Variants in FAM90A20 observed in about 807,000 individuals in gnomAD.
The protein encoded by FAM90A20 is family with sequence similarity 90 member A20.
At chr8:7,297,565 C>G in the FAM90A20 span, 1 of 1,513,852 alleles carries the variant, frequency 6.6e-7, no homozygotes, top group Non-Finnish European at 8.9e-7. Context: ...GACTGGGTCC[C>G]TTCCAGATCC....
the FAM90A20 span, among the ~76,000 whole-genome samples, chr8:7,295,474 T>A: frequency 8.8e-6 from 1 of 114,016 alleles, no homozygotes; most frequent in Admixed American, 8.0e-5. Flanking sequence ...GGGAACATCG[T>A]ATCCGAACTC....
chr8:7,296,624 C>G, the FAM90A20 span, among the ~76,000 whole-genome samples: 4 of 135,400 alleles, frequency 3.0e-5, 2 homozygotes, highest in Admixed American at 1.4e-4. Context: ...AGCCTGCCAA[C>G]AACACGTTCC....
the FAM90A20 span, chr8:7,296,434 C>A: frequency 5.6e-6 from 4 of 718,902 alleles, 1 homozygote; most frequent in South Asian, 5.5e-5. Context: ...CTTTTATCCT[C>A]TAGGTAACCC....
chr8:7,297,205 C>T, the FAM90A20 span: 17 of 1,532,272 alleles, frequency 1.1e-5, 2 homozygotes, highest in Non-Finnish European at 1.4e-5. Context: ...CCAGTCTGAG[C>T]TCCTCCTCAA....
At chr8:7,298,001 G>T in the FAM90A20 span, 1 of 683,214 alleles carries the variant, frequency 1.5e-6, no homozygotes, top group East Asian at 2.7e-5. Context: ...CTCCTCAGAG[G>T]ACAGCGATTC....
the FAM90A20 span, chr8:7,297,428 T>C: frequency 8.4e-6 from 13 of 1,555,302 alleles, 2 homozygotes; most frequent in Non-Finnish European, 1.1e-5. Flanking sequence ...TGCGGTGACC[T>C]CACAGCCCTG....
chr8:7,295,574 G>A, the FAM90A20 span: 2 of 671,126 alleles, frequency 3.0e-6, no homozygotes, highest in Admixed American at 2.0e-5. Context: ...TGTTAACGTG[G>A]GATCGCTGCC....
chr8:7,297,034 C>A, the FAM90A20 span: 2 of 1,465,344 alleles, frequency 1.4e-6, no homozygotes, highest in Non-Finnish European at 1.8e-6. Context: ...TGAGGAACTT[C>A]TAACCTGTGT....
chr8:7,296,055 C>G, the FAM90A20 span, among the ~76,000 whole-genome samples: 3 of 130,222 alleles, frequency 2.3e-5, 1 homozygote, highest in East Asian at 4.2e-4. Context: ...TGCAGGTTCC[C>G]CACGACAGGG....
chr8:7,295,775 G>C, the FAM90A20 span: 10 of 1,290,566 alleles, frequency 7.7e-6, 2 homozygotes, highest in South Asian at 3.6e-5. Context: ...GCCTGGGGTT[G>C]AAGCCAACCC....
At chr8:7,296,197 A>C in the FAM90A20 span, 1 of 654,034 alleles carries the variant, frequency 1.5e-6, no homozygotes. Flanking sequence ...TCTGTATCAC[A>C]AGACACGGAA....
At chr8:7,296,656 C>T in the FAM90A20 span, among the ~76,000 whole-genome samples, 2 of 135,138 alleles carry the variant, frequency 1.5e-5, no homozygotes, top group African/African-American at 3.6e-5. Context: ...GGAAATTAGT[C>T]CCTCAGAGGC....
chr8:7,297,596 G>T, the FAM90A20 span: 13 of 1,477,976 alleles, frequency 8.8e-6, 2 homozygotes, highest in Middle Eastern at 7.0e-4. Context: ...CATCCAGGGA[G>T]GTGAGCTGGG....
At chr8:7,295,919 G>T in the FAM90A20 span, 79 of 581,292 alleles carry the variant, frequency 1.4e-4, 4 homozygotes, top group Middle Eastern at 4.8e-4. Flanking sequence ...GTGCCTTTCC[G>T]TCTCCGGGCC....
the FAM90A20 span, chr8:7,297,484 C>A: frequency 6.5e-7 from 1 of 1,538,080 alleles, no homozygotes; most frequent in Admixed American, 1.7e-5. Context: ...CCAATCTCAG[C>A]TTTGGGTCAG....
chr8:7,296,916 G>C, the FAM90A20 span: 1 of 677,908 alleles, frequency 1.5e-6, no homozygotes, highest in Non-Finnish European at 2.5e-6. Context: ...CACTCAGGTG[G>C]AGGGTCTGTC....
chr8:7,297,822 G>T, the FAM90A20 span: 4 of 1,121,406 alleles, frequency 3.6e-6, no homozygotes, highest in African/African-American at 2.4e-5. Flanking sequence ...CTCTTCCGGA[G>T]ACTGGAAAAC....
At chr8:7,297,275 AG>A in the FAM90A20 span, 55 of 1,383,054 alleles carry the variant, frequency 4.0e-5, 1 homozygote, top group Middle Eastern at 2.4e-4. Context: ...GCCTGCAGTC[AG>A]GCACCAGGTC....
At chr8:7,296,949 C>T in the FAM90A20 span, 5 of 940,170 alleles carry the variant, frequency 5.3e-6, no homozygotes, top group Admixed American at 6.2e-5. Context: ...GACCGCCTGT[C>T]GATACTGTAC....
Sources: gnomAD v4.1 joint callset for allele counts (sites outside exome capture counted in the v4.1 genomes callset) on GRCh38, gnomAD v4.1.1 for gene constraint, MANE v1.5 for transcripts, NCBI Gene and HGNC (gene_info 2026-07-23, HGNC 2026-07-21) for gene names.